The following ITGA1 variants were observed in gnomAD, a reference collection of about 807,000 sequenced individuals.
The protein encoded by ITGA1 is integrin alpha-1.
ITGA1 carries 85 observed loss-of-function variants against 145.9 expected under a neutral mutation model. The observed-to-expected ratio is 0.58, with a 90% CI of 0.49 to 0.70. The LOEUF (loss-of-function observed/expected upper bound fraction) is 0.70, where lower values mean the gene tolerates loss of function less well. ITGA1 is among the 30% of genes least tolerant of loss of function. ITGA1 has a pLI of 0.00. For missense variants in ITGA1, 1,351 were observed against 1,418.7 expected, an observed-to-expected ratio of 0.95 and a Z score of 0.77; for synonymous variants, 520 against 495.3, an observed-to-expected ratio of 1.05 and a Z score of -0.66.
In ITGA1 at chr5:52,864,790, A is replaced by G; in HGVS notation, c.323A>G (p.Glu108Gly). The change falls in exon 4 of 29, where the codon GAA becomes GGA. Residue 108 changes from glutamate to glycine, a missense_variant. By Grantham distance (98) the Glu-to-Gly change is moderately conservative (BLOSUM62 -2). Coordinates refer to ENST00000282588, the MANE Select transcript of ITGA1 (RefSeq NM_181501.2). ...AATACATCAATTCCCAATGTCACAG[A>G]AGTAAAGGAGAACATGACATTTGGA... ...PVNTSIPNVT[E>G]VKENMTFGST... 1 of 1,612,124 alleles carries G rather than the reference A, an allele frequency of 6.2e-7. No individual in the cohort carries two copies. The highest frequency in any genetic ancestry group is 8.5e-7 in the Non-Finnish European group (1 of 1,178,690).
intron 6 of ITGA1, among the ~76,000 whole-genome samples, chr5:52,878,173 T>C (rs1450478806): frequency 6.6e-6 from 1 of 151,604 alleles, no homozygotes; most frequent in Non-Finnish European, 1.5e-5. Context: ...ACACTCCTGG[T>C]TTTTTCAGTC....
At chr5:52,839,504 G>C (rs184420748) in intron 1 of ITGA1, among the ~76,000 whole-genome samples, 1 of 152,242 alleles carries the variant, frequency 6.6e-6, no homozygotes, top group African/African-American at 2.4e-5. Flanking sequence ...GGATGTCATT[G>C]GTTCAATCTC....
chr5:52,912,134 CGTATCTAGTATA>C (rs1750563265), intron 14 of ITGA1, among the ~76,000 whole-genome samples: 1 of 134,320 alleles, frequency 7.4e-6, no homozygotes, highest in Non-Finnish European at 1.6e-5. Context: ...CTATATATAG[CGTATCTAGTATA>C]TAGATATGCT....
At chr5:52,908,200 C>A (rs1750440929) in intron 12 of ITGA1, among the ~76,000 whole-genome samples, 2 of 151,960 alleles carry the variant, frequency 1.3e-5, no homozygotes, top group Non-Finnish European at 2.9e-5. Flanking sequence ...TTGCAGAAGC[C>A]AGTACAGGGA....
chr5:52,940,017 A>G lies in ITGA1; in HGVS notation c.3285+73A>G. 5.4e-6 allele frequency: 5 copies of G among 924,018 alleles called. No homozygotes were observed. The South Asian group carries it at 5.5e-5, about 10-fold the overall frequency. The allele number at this position is 924,018 out of a possible 1,614,324, so 57.2% of individuals were successfully genotyped here. ...TATTCATTTACCACTTAGAATATGCAAGGCACTGTGCTGCTTTTGGAAAGA... is the reference window on the plus strand; with the variant it reads ...TATTCATTTACCACTTAGAATATGCGAGGCACTGTGCTGCTTTTGGAAAGA... On this transcript the variant is annotated intron_variant, in intron 26 of 28. Coordinates refer to ENST00000282588, the MANE Select transcript of ITGA1 (RefSeq NM_181501.2).
intron 2 of ITGA1, among the ~76,000 whole-genome samples, chr5:52,853,163 G>C (rs552112174): frequency 1.3e-5 from 2 of 152,246 alleles, no homozygotes; most frequent in Admixed American, 1.3e-4. Context: ...AAAAATCAGA[G>C]CAACCAAAAA....
intron 28 of ITGA1, among the ~76,000 whole-genome samples, chr5:52,948,159 T>TTAA (rs1751162790): frequency 1.3e-5 from 2 of 152,334 alleles, no homozygotes; most frequent in South Asian, 4.1e-4. Context: ...TCTTAGCAGC[T>TTAA]GTATAATTTT....
intron 6 of ITGA1, among the ~76,000 whole-genome samples, chr5:52,874,832 T>C (rs1749840330): frequency 6.6e-6 from 1 of 152,208 alleles, no homozygotes; most frequent in African/African-American, 2.4e-5. Flanking sequence ...ATGTCATAAA[T>C]ATAATGAAGG....
At chr5:52,951,919 C>T (rs1007093690) in intron 28 of ITGA1, among the ~76,000 whole-genome samples, 4 of 152,124 alleles carry the variant, frequency 2.6e-5, no homozygotes, top group East Asian at 1.9e-4. Context: ...CGGCCCGGCG[C>T]GATGGCTCAC....
intron 8 of ITGA1, among the ~76,000 whole-genome samples, chr5:52,892,510 G>A (rs915617841): frequency 1.3e-5 from 2 of 152,130 alleles, no homozygotes; most frequent in Non-Finnish European, 2.9e-5. Flanking sequence ...ATTTACTCAA[G>A]AGAAAAGAAA....
At chr5:52,926,921 G>A (rs6450094) in intron 19 of ITGA1, among the ~76,000 whole-genome samples, 34,893 of 152,016 alleles carry the variant, frequency 0.23, 4,488 homozygotes, top group South Asian at 0.36. Context: ...GCAGAGATGC[G>A]AAGATAAAAC....
In ITGA1 at chr5:52,908,523, A is replaced by T. The variant is rs575759006; in HGVS notation, c.1456-375A>T. ...CTCCTTATAATGTATTTAAACATATATTCAGCCATTGCAGCATGCATTCTA... is the reference window on the plus strand; with the variant it reads ...CTCCTTATAATGTATTTAAACATATTTTCAGCCATTGCAGCATGCATTCTA... On this transcript the variant is annotated intron_variant, in intron 12 of 28. Transcript: ENST00000282588. Among the ~76,000 whole-genome samples the T allele has an allele frequency of 3.1e-4, 47 of 152,348 alleles. 1 individual carries two copies. Among genetic ancestry groups the T allele is most frequent in the Middle Eastern group, 6.8e-3 (2 of 294 alleles).
At chr5:52,804,711 G>A (rs1407034690) in intron 1 of ITGA1, among the ~76,000 whole-genome samples, 8 of 152,076 alleles carry the variant, frequency 5.3e-5, no homozygotes, top group African/African-American at 1.4e-4. Flanking sequence ...CATATGAAAC[G>A]GTCTGTACAT....
intron 27 of ITGA1, among the ~76,000 whole-genome samples, chr5:52,946,686 AC>A (rs35121669): frequency 0.15 from 23,224 of 152,054 alleles, 1,781 homozygotes; most frequent in South Asian, 0.16. Context: ...TTTGAGTGCC[AC>A]CCTGAGAGAG....
At chr5:52,947,933 C>A (rs776343229) in intron 28 of ITGA1, among the ~76,000 whole-genome samples, 25 of 152,124 alleles carry the variant, frequency 1.6e-4, no homozygotes, top group Middle Eastern at 3.4e-3. Flanking sequence ...TCAAATAATT[C>A]TTTAATGTTT....
At chr5:52,800,083 C>T in intron 1 of ITGA1, 1 of 355,890 alleles carries the variant, frequency 2.8e-6, no homozygotes, top group Non-Finnish European at 5.2e-6. Context: ...ACGGGGGCTG[C>T]GCATGCGCCT....
intron 25 of ITGA1, 47 bp downstream of exon 25, chr5:52,939,738 T>C (rs1446252309): frequency 6.7e-7 from 1 of 1,482,152 alleles, no homozygotes; most frequent in African/African-American, 1.4e-5. Context: ...TCCAAATGAA[T>C]AAAATTGATA....
At chr5:52,828,785 T>C (rs1381422569) in intron 1 of ITGA1, among the ~76,000 whole-genome samples, 1 of 152,204 alleles carries the variant, frequency 6.6e-6, no homozygotes, top group African/African-American at 2.4e-5. Context: ...ACCAAGATGT[T>C]GGCAGAGCCA....
chr5:52,945,165 G>T, intron 27 of ITGA1, 130 bp downstream of exon 27: 2 of 635,442 alleles, frequency 3.1e-6, no homozygotes, highest in South Asian at 2.1e-5. Flanking sequence ...GACACTATTT[G>T]CTTCAAATTA....
Sources: gnomAD v4.1 joint callset for allele counts (sites outside exome capture counted in the v4.1 genomes callset) on GRCh38, gnomAD v4.1.1 for gene constraint, MANE v1.5 for transcripts, NCBI Gene and HGNC (gene_info 2026-07-23, HGNC 2026-07-21) for gene names.